Variants in ERBB3 observed in about 807,000 individuals in gnomAD.
ERBB3 encodes erb-b2 receptor tyrosine kinase 3.
In ERBB3, 96 loss-of-function variants were observed where a neutral mutation model predicts 156.7. That is an observed-to-expected ratio of 0.61 (90% confidence interval 0.52 to 0.73). The LOEUF (loss-of-function observed/expected upper bound fraction) is 0.73, where lower values mean the gene tolerates loss of function less well. Among genes scored for constraint, ERBB3 ranks in the 30% least tolerant of loss-of-function variants. The probability of loss-of-function intolerance (pLI) is 0.00; values close to 1 mark genes in which losing one functional copy is unlikely to be tolerated. For missense variants in ERBB3, 1,406 were observed against 1,709.4 expected (o/e 0.82, Z 3.13); for synonymous variants, 567 against 632.0 (o/e 0.90, Z 1.54).
intron 17 of ERBB3, 134 bp from the exon 18 acceptor site, chr12:56,096,369 A>G: frequency 1.9e-6 from 2 of 1,075,798 alleles, no homozygotes; most frequent in South Asian, 1.3e-5. Context: ...CCTATAATCC[A>G]TTCCAGGACT....
intron 9 of ERBB3, among the ~76,000 whole-genome samples, chr12:56,090,857 C>A (rs558338770): frequency 1.3e-5 from 2 of 152,174 alleles, no homozygotes; most frequent in East Asian, 3.9e-4. Flanking sequence ...TTGTTTGAAT[C>A]GGAAAATTAA....
Position 56,087,871 on chromosome 12 carries a change from GT to G in ERBB3, c.691del (p.Cys231ValfsTer38). On this transcript the variant is annotated frameshift_variant, in exon 6 of 28. Transcript: ENST00000267101. LOFTEE classifies it high-confidence loss of function. ...ACCCCAACCAGTGCTGCCATGATGAGTGTGCCGGGGGCTGCTCAGGCCCTCA... is the reference window on the plus strand; with the variant it reads ...ACCCCAACCAGTGCTGCCATGATGAGGTGCCGGGGGCTGCTCAGGCCCTCA... ...PNPNQCCHDE[C>X]AGGCSGPQDT... 1 of 1,614,226 alleles carries G rather than the reference GT, an allele frequency of 6.2e-7. No individual in the cohort carries two copies. The highest frequency in any genetic ancestry group is 1.1e-5 in the South Asian group (1 of 91,076).
intron 22 of ERBB3, 87 bp downstream of exon 22, chr12:56,098,662 C>T (rs975903941): frequency 2.5e-6 from 4 of 1,575,080 alleles, no homozygotes; most frequent in Admixed American, 3.3e-5. Context: ...TCTCTAAGCA[C>T]TTCAGATTTT....
intron 9 of ERBB3, chr12:56,089,122 A>G: frequency 1.7e-6 from 1 of 580,410 alleles, no homozygotes; most frequent in Non-Finnish European, 3.2e-6. Context: ...TCCTTCTTAA[A>G]GTTTTCTTTT....
At position 56,102,483 on chromosome 12, in the gene ERBB3, T is replaced by A. The variant is rs1274757573; in HGVS notation, c.*428T>A. Reference sequence around the variant, plus strand: ...AGCAGAGGAAAGTGTAATTTTGGTTTATGACTCTTAACCCCCTAGAAAGAC... The same window carrying A: ...AGCAGAGGAAAGTGTAATTTTGGTTAATGACTCTTAACCCCCTAGAAAGAC... On this transcript the variant is annotated 3_prime_UTR_variant, in exon 28 of 28. Transcript: ENST00000267101. 3.9e-6 allele frequency: 1 copy of A among 255,604 alleles called. No homozygotes were observed. The highest frequency in any genetic ancestry group is 7.6e-6 in the Non-Finnish European group (1 of 131,334). The allele number at this position is 255,604 out of a possible 1,614,324, so 15.8% of individuals were successfully genotyped here.
chr12:56,095,584 A>C, intron 16 of ERBB3, 81 bp from the exon 17 acceptor site: 1 of 1,545,508 alleles, frequency 6.5e-7, no homozygotes, highest in East Asian at 2.2e-5. Context: ...GGTCAGCATC[A>C]TACCTTCAAC....
intron 20 of ERBB3, among the ~76,000 whole-genome samples, 163 bp from the exon 21 acceptor site, chr12:56,097,622 C>T (rs1475135597): frequency 6.6e-6 from 1 of 152,032 alleles, no homozygotes; most frequent in African/African-American, 2.4e-5. Context: ...CAAAACCAAC[C>T]CTCCCCTTCC....
At position 56,103,418 on chromosome 12, in the gene ERBB3, G is replaced by C. The variant is rs1266285563; in HGVS notation, c.*1363G>C. 1 of 212,534 alleles carries C rather than the reference G, an allele frequency of 4.7e-6. No homozygotes were observed. Among genetic ancestry groups the C allele is most frequent in the Non-Finnish European group, 9.4e-6 (1 of 106,298 alleles). The allele number at this position is 212,534 out of a possible 1,614,324, so 13.2% of individuals were successfully genotyped here. On this transcript the variant is annotated 3_prime_UTR_variant, in exon 28 of 28. Transcript: ENST00000267101. The stretch of plus-strand genomic sequence containing the variant: ...GCACACCTCTGTCCCCTTGGATGGG[G>C]AACTAAGGGAAAACGTCTGTTGTAT...
At chr12:56,083,258 C>T (rs1415486154) in intron 1 of ERBB3, 1 of 235,850 alleles carries the variant, frequency 4.2e-6, no homozygotes, top group African/African-American at 2.2e-5. Context: ...TGCCCCCACC[C>T]TCTGCCCCCA....
At chr12:56,096,033 G>T in intron 17 of ERBB3, 1 of 597,914 alleles carries the variant, frequency 1.7e-6, no homozygotes, top group Non-Finnish European at 3.0e-6. Context: ...TTCTAGTCCT[G>T]ATTTTGCCAT....
chr12:56,097,317 G>C (rs1868921869), intron 20 of ERBB3, 87 bp downstream of exon 20: 1 of 1,349,304 alleles, frequency 7.4e-7, no homozygotes, highest in African/African-American at 1.4e-5. Flanking sequence ...AGTTCTGAGA[G>C]GTGAGGTCCC....
At position 56,101,402 on chromosome 12, in the gene ERBB3, A is replaced by G. The variant is rs189424197; in HGVS notation, c.3502+41A>G. The G allele has an allele frequency of 2.5e-5, 40 of 1,608,732 alleles. No homozygotes were observed. In the African/African-American group the frequency reaches 4.4e-4, roughly 18 times the overall value. ...TAGGGCTTTCCTCAATTTTTCCTCGAATTCTTTCCCCGGGCTCCTCTTTTT... is the reference window on the plus strand; with the variant it reads ...TAGGGCTTTCCTCAATTTTTCCTCGGATTCTTTCCCCGGGCTCCTCTTTTT... On this transcript the variant is annotated intron_variant, in intron 27 of 27. Coordinates refer to ENST00000267101, the MANE Select transcript of ERBB3 (RefSeq NM_001982.4).
chr12:56,085,531 G>T lies in ERBB3; in HGVS notation c.421+350G>T, dbSNP rs1053027742. ...AGGCCAAGGAGGGCAGATCACTTGA[G>T]ATCAGGAGTTTGAGACCAGCCTGGC... is the stretch of plus-strand genomic sequence containing the variant. On this transcript the variant is annotated intron_variant, in intron 3 of 27. Transcript: ENST00000267101. 2.1e-4 allele frequency: 210 copies of T among 984,730 alleles called. No individual in the cohort carries two copies. The East Asian group carries it at 6.3e-3, about 30-fold the overall frequency. The allele number at this position is 984,730 out of a possible 1,614,324, so 61.0% of individuals were successfully genotyped here.
rs755864862 is a variant in ERBB3, at chr12:56,098,919, T to C, written c.2839+14T>C. On this transcript the variant is annotated intron_variant, in intron 23 of 27. Coordinates refer to ENST00000267101, the MANE Select transcript of ERBB3 (RefSeq NM_001982.4). ...TGATGGTCAAGTGTGAGTTACCTGC[T>C]GAGCCCAACCATTTTCTCTTTTTTT... 13 of 1,612,476 alleles carry C rather than the reference T, an allele frequency of 8.1e-6. No individual in the cohort carries two copies. Among genetic ancestry groups the C allele is most frequent in the Non-Finnish European group, 1.1e-5 (13 of 1,179,112 alleles).
rs1279474614 is a variant in ERBB3, at chr12:56,083,676, G to T, written c.83-75G>T. 2.5e-5 allele frequency: 39 copies of T among 1,563,190 alleles called. No individual in the cohort carries two copies. In the South Asian group the frequency reaches 2.6e-4, roughly 10 times the overall value. On this transcript the variant is annotated intron_variant, in intron 1 of 27. Transcript: ENST00000267101. ...TAACTGGAAGAGGGCAACCAAGGGG[G>T]TGATCTTTGGGGATGGCAGATGGGC...
In ERBB3 at chr12:56,094,540, G is replaced by A. The variant is rs143726790; in HGVS notation, c.1843G>A (p.Glu615Lys). 17 of 1,614,092 alleles carry A rather than the reference G, an allele frequency of 1.1e-5. No homozygotes were observed. In the African/African-American group the frequency reaches 2.1e-4, roughly 20 times the overall value. ...TCAGAATGAATGTCGGCCCTGCCATGAGAACTGCACCCAGGGGTCAGTGAT... is the reference window on the plus strand; with the variant it reads ...TCAGAATGAATGTCGGCCCTGCCATAAGAACTGCACCCAGGGGTCAGTGAT... ...DVQNECRPCH[E>K]NCTQGCKGPE... The change falls in exon 15 of 28, where the codon GAG (glutamate) becomes AAG (lysine). Residue 615 changes from glutamate (E) to lysine (K), a missense_variant. Physicochemically the swap from Glu to Lys is moderately conservative, Grantham distance 56 (BLOSUM62 1). Transcript: ENST00000267101.
intron 9 of ERBB3, 106 bp downstream of exon 9, chr12:56,088,974 A>T: frequency 1.4e-6 from 2 of 1,464,342 alleles, no homozygotes; most frequent in Admixed American, 3.4e-5. Context: ...AATCAAAGTC[A>T]TAAAATTCTA....
At chr12:56,092,287 G>A (rs1271584629) in intron 9 of ERBB3, among the ~76,000 whole-genome samples, 1 of 146,930 alleles carries the variant, frequency 6.8e-6, no homozygotes, top group East Asian at 2.0e-4. Context: ...TACTTAGGAA[G>A]CTGAGGCAGG....
intron 1 of ERBB3, 71 bp from the exon 2 acceptor site, chr12:56,083,680 T>A: frequency 6.3e-7 from 1 of 1,576,812 alleles, no homozygotes; most frequent in Non-Finnish European, 8.7e-7. Context: ...AAGGGGGTGA[T>A]CTTTGGGGAT....
Sources: gnomAD v4.1 joint callset for allele counts (sites outside exome capture counted in the v4.1 genomes callset) on GRCh38, gnomAD v4.1.1 for gene constraint, MANE v1.5 for transcripts, NCBI Gene and HGNC (gene_info 2026-07-23, HGNC 2026-07-21) for gene names.